Variants in SHISAL1 observed in about 807,000 individuals in gnomAD.
SHISAL1 encodes the protein protein shisa-like-1.
In SHISAL1, 9 loss-of-function variants were observed where a neutral mutation model predicts 22.6. The observed-to-expected ratio is 0.40, with a 90% CI of 0.24 to 0.70. The LOEUF is 0.70. Among genes scored for constraint, SHISAL1 ranks in the 30% least tolerant of loss-of-function variants. The pLI, the probability that SHISAL1 is intolerant of heterozygous loss-of-function variation, is 0.39. For missense variants in SHISAL1, 246 were observed against 270.6 expected, an observed-to-expected ratio of 0.91 and a Z score of 0.64; for synonymous variants, 119 against 115.4, an observed-to-expected ratio of 1.03 and a Z score of -0.20.
chr22:44,260,928 A>G (rs910371872), intron 4 of SHISAL1, among the ~76,000 whole-genome samples: 1 of 151,806 alleles, frequency 6.6e-6, no homozygotes, highest in African/African-American at 2.4e-5. Context: ...CTGGGGATAC[A>G]TCTCTGTTTG....
At position 44,261,098 on chromosome 22, in the gene SHISAL1, TAC is replaced by T. The variant is rs1555925741; in HGVS notation, c.*-11415_*-11414del. Among the ~76,000 whole-genome samples, 218 of 130,274 alleles carry T rather than the reference TAC, an allele frequency of 1.7e-3. 12 individuals are homozygous for T. The highest frequency in any genetic ancestry group is 7.1e-3 in the African/African-American group (203 of 28,602). The allele number at this position is 130,274 out of a possible 152,430, so 85.5% of individuals were successfully genotyped here. On this transcript the variant is annotated intron_variant, in intron 4 of 4. Transcript: ENST00000381176. ...TACTTTATATATATATATATATATA[TAC>T]ACTATATGGATTCTCTTGCAGAAAA...
At chr22:44,296,133 C>G (rs1210241677) in intron 3 of SHISAL1, among the ~76,000 whole-genome samples, 1 of 152,010 alleles carries the variant, frequency 6.6e-6, no homozygotes, top group Non-Finnish European at 1.5e-5. Context: ...AGTGAGTATT[C>G]TGTGTCCCTC....
chr22:44,304,286 G>GGAA (rs2147305940), intron 1 of SHISAL1, among the ~76,000 whole-genome samples: 1 of 151,762 alleles, frequency 6.6e-6, no homozygotes, highest in African/African-American at 2.4e-5. Context: ...TTCGGAGCGA[G>GGAA]ATGGGGCAAA....
intron 4 of SHISAL1, among the ~76,000 whole-genome samples, chr22:44,284,206 C>T (rs2055295527): frequency 1.3e-5 from 2 of 152,004 alleles, no homozygotes; most frequent in Admixed American, 6.6e-5. Context: ...GCTATGTGAA[C>T]GATCACTAAC....
At chr22:44,300,746 G>A (rs1286203378) in intron 2 of SHISAL1, 133 bp downstream of exon 2, 3 of 699,812 alleles carry the variant, frequency 4.3e-6, no homozygotes, top group Non-Finnish European at 7.5e-6. Flanking sequence ...TCACCAGAGG[G>A]GTGCCAGTAA....
intron 4 of SHISAL1, among the ~76,000 whole-genome samples, chr22:44,251,780 G>T (rs1214566939): frequency 6.6e-6 from 1 of 152,154 alleles, no homozygotes; most frequent in Non-Finnish European, 1.5e-5. Context: ...CCTCCCACCA[G>T]GTTCCTCCCA....
intron 1 of SHISAL1, among the ~76,000 whole-genome samples, chr22:44,304,786 C>T (rs1411910195): frequency 6.6e-6 from 1 of 152,160 alleles, no homozygotes; most frequent in East Asian, 1.9e-4. Context: ...CCCCGTGCTC[C>T]ATTCTACAGA....
chr22:44,292,725 C>A (rs2055361171), intron 3 of SHISAL1, among the ~76,000 whole-genome samples: 1 of 152,234 alleles, frequency 6.6e-6, no homozygotes, highest in African/African-American at 2.4e-5. Context: ...TGCCGCTGGG[C>A]CAGCCCCGCC....
chr22:44,250,764 C>T (rs1225338667), intron 4 of SHISAL1, among the ~76,000 whole-genome samples: 1 of 152,234 alleles, frequency 6.6e-6, no homozygotes, highest in African/African-American at 2.4e-5. Context: ...GTTCTGGTGG[C>T]AGCCCTGAAC....
chr22:44,294,151 A>G (rs914272520), intron 3 of SHISAL1, among the ~76,000 whole-genome samples: 3 of 152,352 alleles, frequency 2.0e-5, no homozygotes, highest in Non-Finnish European at 2.9e-5. Context: ...CTTGTCTTAT[A>G]CAAGGCTTGG....
chr22:44,269,434 GAC>G (rs529367782), intron 4 of SHISAL1, among the ~76,000 whole-genome samples: 8 of 123,642 alleles, frequency 6.5e-5, no homozygotes, highest in African/African-American at 9.5e-5. Flanking sequence ...ACAGACAGAA[GAC>G]ACACACACAC....
At position 44,310,613 on chromosome 22, in the gene SHISAL1, G is replaced by A. The variant is rs1284509593; in HGVS notation, c.-33+2138C>T. On this transcript the variant is annotated intron_variant, in intron 1 of 4. Transcript: ENST00000381176. The surrounding 1 kb of genome is among the most constrained non-coding windows in gnomAD (Gnocchi z 4.0). ...AGCTAGCAGGGCACCCAGAACATTA[G>A]CAGCTGATCCATAAACCGTTCTTAT... is the stretch of plus-strand genomic sequence containing the variant. 2.0e-5 allele frequency among the ~76,000 whole-genome samples: 3 copies of A among 152,184 alleles called. No individual in the cohort carries two copies. Among genetic ancestry groups the A allele is most frequent in the Non-Finnish European group, 2.9e-5 (2 of 68,034 alleles).
chr22:44,284,700 G>A (rs2055299145), intron 4 of SHISAL1, among the ~76,000 whole-genome samples: 2 of 152,228 alleles, frequency 1.3e-5, no homozygotes, highest in Admixed American at 6.5e-5. Flanking sequence ...TGCTCCAAAC[G>A]CACAGACCCT....
At chr22:44,331,571 G>A in the SHISAL1 span, among the ~76,000 whole-genome samples, 5 of 149,938 alleles carry the variant, frequency 3.3e-5, no homozygotes, top group African/African-American at 7.3e-5. The surrounding 1 kb of genome is among the most constrained non-coding windows in gnomAD (Gnocchi z 5.2). Context: ...CTGGGGTGCG[G>A]GGGCTGCCCA....
intron 3 of SHISAL1, among the ~76,000 whole-genome samples, chr22:44,296,159 C>G (rs773163155): frequency 6.6e-6 from 1 of 150,532 alleles, no homozygotes; most frequent in Admixed American, 6.6e-5. Context: ...CTCCCTCCCT[C>G]TTTTCTTTTC....
intron 4 of SHISAL1, among the ~76,000 whole-genome samples, chr22:44,284,988 C>A (rs1184138303): frequency 6.6e-6 from 1 of 151,656 alleles, no homozygotes; most frequent in Non-Finnish European, 1.5e-5. Flanking sequence ...CCATACAAGG[C>A]ATGTACACAT....
chr22:44,246,278 G>A lies in SHISAL1; in HGVS notation c.*3407C>T, dbSNP rs1176663894. The A allele has an allele frequency of 6.6e-6, 1 of 152,186 alleles. No individual in the cohort carries two copies. The allele number at this position is 152,186 out of a possible 1,614,324, so 9.4% of individuals were successfully genotyped here. A position where few individuals can be genotyped will look rare whatever the true frequency, so the allele number is the denominator to read the frequency against. ...TCATTAATTACACACAGTTCCCAGT[G>A]GGAAACAGTCCTTACAAACGCGGTA... On this transcript the variant is annotated 3_prime_UTR_variant, in exon 5 of 5. Transcript: ENST00000381176.
chr22:44,291,824 C>G (rs1300105846), intron 3 of SHISAL1, among the ~76,000 whole-genome samples: 1 of 152,170 alleles, frequency 6.6e-6, no homozygotes, highest in Non-Finnish European at 1.5e-5. Flanking sequence ...CCACCGCGAC[C>G]CCCACACGGA....
In SHISAL1 at chr22:44,243,779, T is replaced by A. The variant is rs1029907554; in HGVS notation, c.*5906A>T. 6.6e-6 allele frequency: 1 copy of A among 152,224 alleles called. No individual in the cohort carries two copies. The highest frequency in any genetic ancestry group is 2.4e-5 in the African/African-American group (1 of 41,464). 9.4% of individuals were successfully genotyped at this position (152,224 alleles called of 1,614,324 possible). A position where few individuals can be genotyped will look rare whatever the true frequency, so the allele number is the denominator to read the frequency against. On this transcript the variant is annotated 3_prime_UTR_variant, in exon 5 of 5. Transcript: ENST00000381176. ...GCGGTCAGTGAAAAACACATGATTA[T>A]TCTTACATTCTAGTATTATTATTAG...
Sources: gnomAD v4.1 joint callset for allele counts (sites outside exome capture counted in the v4.1 genomes callset) on GRCh38, gnomAD v4.1.1 for gene constraint, Gnocchi (gnomAD v3.1) non-coding constraint, MANE v1.5 for transcripts, NCBI Gene and HGNC (gene_info 2026-07-23, HGNC 2026-07-21) for gene names.